Variants in TRPC4 observed in about 807,000 individuals in gnomAD.
TRPC4 encodes short transient receptor potential channel 4.
A neutral mutation model predicts 99.4 loss-of-function variants in TRPC4; 49 were observed. The ratio of observed to expected loss-of-function variants is 0.49; its 90% CI spans 0.39 to 0.63. TRPC4 has a LOEUF of 0.63. Ranked by LOEUF, TRPC4 falls within the 20% of genes least tolerant of loss-of-function variation. The pLI, the probability that TRPC4 is intolerant of heterozygous loss-of-function variation, is 0.00. For synonymous variants in TRPC4, 454 were observed against 425.9 expected, an observed-to-expected ratio of 1.07 and a Z score of -0.81; for missense variants, 898 against 1,152.9, an observed-to-expected ratio of 0.78 and a Z score of 3.20.
intron 3 of TRPC4, among the ~76,000 whole-genome samples, chr13:37,731,179 T>G (rs1014889160): frequency 5.3e-5 from 8 of 152,226 alleles, no homozygotes; most frequent in African/African-American, 1.9e-4. Flanking sequence ...ACTTACAATT[T>G]AGCTGTTCGA....
intron 1 of TRPC4, among the ~76,000 whole-genome samples, chr13:37,804,807 T>A (rs144364743): frequency 6.6e-6 from 1 of 152,160 alleles, no homozygotes; most frequent in African/African-American, 2.4e-5. Context: ...GATATCCATT[T>A]TGGAGGTGAG....
intron 3 of TRPC4, among the ~76,000 whole-genome samples, chr13:37,704,915 C>T (rs1478892088): frequency 2.6e-5 from 4 of 152,104 alleles, no homozygotes; most frequent in Admixed American, 6.6e-5. Context: ...AAAAATAGAA[C>T]TACCATATGG....
At position 37,633,725 on chromosome 13, in the gene TRPC4, T is replaced by C. The variant is rs1156550479; in HGVS notation, c.*3178A>G. ...ATTAGTTTAATTGCCATCCAGTAAA[T>C]AGAGTAACTAATTTAAGAAAATTTG... On this transcript the variant is annotated 3_prime_UTR_variant, in exon 11 of 11. Transcript: ENST00000379705. Among the ~76,000 whole-genome samples, 1 of 152,114 alleles carries C rather than the reference T, an allele frequency of 6.6e-6. No individual in the cohort carries two copies. Among genetic ancestry groups the C allele is most frequent in the African/African-American group, 2.4e-5 (1 of 41,446 alleles).
chr13:37,805,220 A>G (rs1293776734), intron 1 of TRPC4, among the ~76,000 whole-genome samples: 1 of 151,960 alleles, frequency 6.6e-6, no homozygotes, highest in Admixed American at 6.6e-5. Flanking sequence ...TCTGTTTTAC[A>G]GGCAGTATCT....
intron 5 of TRPC4, among the ~76,000 whole-genome samples, chr13:37,672,804 G>T (rs1236560150): frequency 6.6e-6 from 1 of 152,094 alleles, no homozygotes; most frequent in African/African-American, 2.4e-5. Context: ...TAACCTCAAT[G>T]CATTAATAAA....
At chr13:37,722,371 G>T (rs1954899509) in intron 3 of TRPC4, among the ~76,000 whole-genome samples, 2 of 152,022 alleles carry the variant, frequency 1.3e-5, no homozygotes, top group South Asian at 2.1e-4. Flanking sequence ...ACATAATTTG[G>T]CAGGGCAAAA....
intron 2 of TRPC4, among the ~76,000 whole-genome samples, chr13:37,774,114 G>A (rs1211730870): frequency 2.0e-5 from 3 of 151,676 alleles, no homozygotes; most frequent in Non-Finnish European, 4.4e-5. Context: ...AAATCAAAAA[G>A]GGATGTTGCA....
At chr13:37,714,808 T>C (rs1249056902) in intron 3 of TRPC4, among the ~76,000 whole-genome samples, 1 of 152,086 alleles carries the variant, frequency 6.6e-6, no homozygotes, top group Non-Finnish European at 1.5e-5. Context: ...CATTGCTCCA[T>C]ATATCCTTCT....
chr13:37,677,098 C>T (rs537783469), intron 4 of TRPC4, among the ~76,000 whole-genome samples: 31 of 151,972 alleles, frequency 2.0e-4, no homozygotes, highest in Admixed American at 1.1e-3. Context: ...ACAAGCCTCC[C>T]GTCATAAGGT....
intron 8 of TRPC4, among the ~76,000 whole-genome samples, chr13:37,649,633 C>G (rs1414993065): frequency 6.9e-6 from 1 of 145,102 alleles, no homozygotes; most frequent in African/African-American, 2.6e-5. Flanking sequence ...ACTCGGGAGG[C>G]TGAGGCAGGA....
chr13:37,642,180 A>G (rs1951735111), intron 8 of TRPC4, among the ~76,000 whole-genome samples: 1 of 152,096 alleles, frequency 6.6e-6, no homozygotes, highest in African/African-American at 2.4e-5. Context: ...GTAAATTTGG[A>G]TAGATGTGAC....
chr13:37,645,437 G>A (rs17056373), intron 8 of TRPC4, among the ~76,000 whole-genome samples: 4,244 of 152,188 alleles, frequency 0.028, 194 homozygotes, highest in African/African-American at 0.096. Flanking sequence ...GGAATGTCAC[G>A]CTCATTTCAT....
intron 3 of TRPC4, among the ~76,000 whole-genome samples, chr13:37,743,532 G>A (rs1955652492): frequency 6.6e-6 from 1 of 152,046 alleles, no homozygotes; most frequent in South Asian, 2.1e-4. Context: ...ACAAAATGGA[G>A]AATATATATT....
chr13:37,817,650 C>T (rs67187376), intron 1 of TRPC4, among the ~76,000 whole-genome samples: 27,683 of 151,768 alleles, frequency 0.18, 2,632 homozygotes, highest in Middle Eastern at 0.2. Flanking sequence ...TACAGGGTTA[C>T]GGTAATCAAA....
chr13:37,737,825 T>C (rs1955446944), intron 3 of TRPC4, among the ~76,000 whole-genome samples: 1 of 152,120 alleles, frequency 6.6e-6, no homozygotes, highest in African/African-American at 2.4e-5. Context: ...GAGAGATGAG[T>C]TACTTGATAC....
At chr13:37,836,728 G>A (rs1171162325) in intron 1 of TRPC4, among the ~76,000 whole-genome samples, 1 of 152,202 alleles carries the variant, frequency 6.6e-6, no homozygotes, top group Non-Finnish European at 1.5e-5. Context: ...CTGACAATGT[G>A]TTAGAAAAGA....
chr13:37,807,774 A>G (rs1187932769), intron 1 of TRPC4, among the ~76,000 whole-genome samples: 1 of 152,120 alleles, frequency 6.6e-6, no homozygotes, highest in Non-Finnish European at 1.5e-5. Flanking sequence ...GATGAAATAA[A>G]TGACAAATTG....
chr13:37,852,683 C>T (rs376134321), intron 1 of TRPC4, among the ~76,000 whole-genome samples: 29 of 152,244 alleles, frequency 1.9e-4, no homozygotes, highest in African/African-American at 6.0e-4. Flanking sequence ...AGTCCAGGCC[C>T]GGGCTCCTAG....
intron 1 of TRPC4, among the ~76,000 whole-genome samples, chr13:37,791,823 G>GA (rs1019069266): frequency 1.3e-5 from 2 of 152,040 alleles, no homozygotes; most frequent in African/African-American, 2.4e-5. Flanking sequence ...AAAAGGTGCA[G>GA]AAAAAATCAT....
Sources: allele counts gnomAD v4.1 joint callset (sites outside exome capture counted in the v4.1 genomes callset), GRCh38; gene constraint gnomAD v4.1.1; transcripts MANE v1.5; gene names NCBI Gene and HGNC (gene_info 2026-07-23, HGNC 2026-07-21).